The following KIAA0232 variants were observed in gnomAD, a reference collection of about 807,000 sequenced individuals.
The protein encoded by KIAA0232 is uncharacterized protein KIAA0232.
Under a neutral mutation model 122.0 loss-of-function variants are expected in KIAA0232, and 27 were observed. The ratio of observed to expected loss-of-function variants is 0.22; its 90% confidence interval spans 0.16 to 0.31. The LOEUF is 0.31. KIAA0232 is among the 10% of genes least tolerant of loss of function. The pLI is 1.00. For missense variants in KIAA0232, 1,551 were observed against 1,634.2 expected, an observed-to-expected ratio of 0.95 and a Z score of 0.88; for synonymous variants, 613 against 587.6, an observed-to-expected ratio of 1.04 and a Z score of -0.63.
At chr4:6,813,402 G>C (rs1463589035) in intron 2 of KIAA0232, among the ~76,000 whole-genome samples, 2 of 143,124 alleles carry the variant, frequency 1.4e-5, no homozygotes, top group African/African-American at 2.6e-5. Flanking sequence ...TCGCTCTGTT[G>C]CCCAGGCTGG....
chr4:6,841,983 T>G, intron 3 of KIAA0232, 84 bp from the exon 4 acceptor site: 1 of 1,500,132 alleles, frequency 6.7e-7, no homozygotes, highest in Non-Finnish European at 9.0e-7. Context: ...AGGGGCCTTT[T>G]TGTGACTGAG....
At chr4:6,783,457 A>G (rs1483254576) in intron 1 of KIAA0232, among the ~76,000 whole-genome samples, 1 of 152,126 alleles carries the variant, frequency 6.6e-6, no homozygotes, top group East Asian at 1.9e-4. Context: ...GAGCCCCGAA[A>G]GTGGGCGCGG....
At chr4:6,870,004 G>C (rs1219089469) in intron 7 of KIAA0232, among the ~76,000 whole-genome samples, 1 of 152,200 alleles carries the variant, frequency 6.6e-6, no homozygotes, top group Non-Finnish European at 1.5e-5. Context: ...CAGTGGCCAA[G>C]CCTCACCCTG....
chr4:6,832,890 A>G (rs1369568104), intron 3 of KIAA0232, among the ~76,000 whole-genome samples: 2 of 152,110 alleles, frequency 1.3e-5, no homozygotes, highest in Non-Finnish European at 2.9e-5. Flanking sequence ...CCCTAATCAA[A>G]TTGTATCTAC....
At chr4:6,846,448 G>T (rs954880352) in intron 4 of KIAA0232, among the ~76,000 whole-genome samples, 3 of 152,106 alleles carry the variant, frequency 2.0e-5, no homozygotes, top group Non-Finnish European at 2.9e-5. Context: ...TCTCATAGGA[G>T]CACAAACCCT....
chr4:6,783,143 C>T lies in KIAA0232; in HGVS notation c.-354+302C>T, dbSNP rs540000868. On this transcript the variant is annotated intron_variant, in intron 1 of 9. Coordinates refer to ENST00000307659, the MANE Select transcript of KIAA0232 (RefSeq NM_014743.3). ...GGAGGCCGGGCCGCCGCTGATGGCT[C>T]CGGGGCCAGCCTAAGGGAGACCGGG... Among the ~76,000 whole-genome samples the T allele has an allele frequency of 8.9e-3, 1,351 of 151,716 alleles. 13 individuals carry two copies. Among genetic ancestry groups the T allele is most frequent in the Middle Eastern group, 0.021 (6 of 292 alleles).
intron 8 of KIAA0232, among the ~76,000 whole-genome samples, chr4:6,874,198 A>G (rs552232986): frequency 6.6e-6 from 1 of 152,220 alleles, no homozygotes; most frequent in African/African-American, 2.4e-5. Context: ...TGGGTTAGGC[A>G]CTGTTCTAGA....
intron 8 of KIAA0232, among the ~76,000 whole-genome samples, chr4:6,873,149 C>G (rs1006926569): frequency 6.8e-6 from 1 of 147,696 alleles, no homozygotes; most frequent in African/African-American, 2.7e-5. Context: ...ATAATTCCCA[C>G]AAGAACCTTA....
intron 2 of KIAA0232, among the ~76,000 whole-genome samples, chr4:6,813,081 CTAAA>C (rs1392541197): frequency 3.9e-5 from 6 of 152,026 alleles, no homozygotes; most frequent in Non-Finnish European, 7.4e-5. Context: ...TTAGTGCACT[CTAAA>C]TAATTAGGAA....
intron 3 of KIAA0232, among the ~76,000 whole-genome samples, chr4:6,832,781 T>G (rs1475749818): frequency 6.6e-6 from 1 of 152,226 alleles, no homozygotes; most frequent in Non-Finnish European, 1.5e-5. Context: ...GGTCTGTGAC[T>G]TGTGTGTAGG....
chr4:6,824,329 T>C lies in KIAA0232; in HGVS notation c.-125T>C. On this transcript the variant is annotated 5_prime_UTR_variant, in exon 3 of 10. Coordinates refer to ENST00000307659, the MANE Select transcript of KIAA0232 (RefSeq NM_014743.3). ...TTAGGTGGCTGACTACCAGCAAAAA[T>C]AAATGCTTATCCTACATGTCAAGCA... The C allele has an allele frequency of 3.7e-6, 3 of 812,466 alleles. No individual in the cohort carries two copies. In the East Asian group the frequency reaches 7.4e-5, roughly 20 times the overall value. The allele number at this position is 812,466 out of a possible 1,614,324, so 50.3% of individuals were successfully genotyped here. A position where few individuals can be genotyped will look rare whatever the true frequency, so the allele number is the denominator to read the frequency against.
At chr4:6,837,538 G>C (rs987773116) in intron 3 of KIAA0232, among the ~76,000 whole-genome samples, 1 of 152,186 alleles carries the variant, frequency 6.6e-6, no homozygotes, top group African/African-American at 2.4e-5. Flanking sequence ...CTGCAGTCTC[G>C]GCACTTTGGG....
At chr4:6,858,859 C>T (rs190039557) in intron 6 of KIAA0232, among the ~76,000 whole-genome samples, 3 of 152,170 alleles carry the variant, frequency 2.0e-5, no homozygotes, top group Admixed American at 6.5e-5. Context: ...TCAGTAATCC[C>T]AGCACTTTGG....
intron 1 of KIAA0232, among the ~76,000 whole-genome samples, chr4:6,783,224 G>T (rs1388568082): frequency 6.6e-6 from 1 of 152,224 alleles, no homozygotes; most frequent in Admixed American, 6.5e-5. Flanking sequence ...CCCGATCCTG[G>T]TGGTGCCCGG....
rs748473703 is a variant in KIAA0232 at position 6,862,344 on chromosome 4, A to G, written c.1962A>G (p.Gln654=). Residue 654 remains glutamine, a synonymous_variant, in exon 7 of 10, where the codon CAA becomes CAG. Coordinates refer to ENST00000307659, the MANE Select transcript of KIAA0232 (RefSeq NM_014743.3). ...CTTGTTTTTCAGTGTTTGAAGTGCA[A>G]TGCAGTAATTCTGTTTTACCATTTT... ...INSCFSVFEV[Q]CSNSVLPFSF... 11 of 1,614,090 alleles carry G rather than the reference A, an allele frequency of 6.8e-6. No homozygotes were observed. The highest frequency in any genetic ancestry group is 6.7e-5 in the Admixed American group (4 of 60,004).
At chr4:6,872,164 T>C (rs1186407677) in intron 8 of KIAA0232, among the ~76,000 whole-genome samples, 1 of 152,082 alleles carries the variant, frequency 6.6e-6, no homozygotes, top group African/African-American at 2.4e-5. Context: ...TTGACAGGAT[T>C]TAAATTGGAG....
At chr4:6,836,433 G>T (rs948498760) in intron 3 of KIAA0232, among the ~76,000 whole-genome samples, 2 of 146,222 alleles carry the variant, frequency 1.4e-5, no homozygotes, top group East Asian at 2.0e-4. Flanking sequence ...CCCATTTCTT[G>T]TACTTGTAGA....
At chr4:6,797,130 C>T in intron 1 of KIAA0232, among the ~76,000 whole-genome samples, 1 of 152,250 alleles carries the variant, frequency 6.6e-6, no homozygotes, top group South Asian at 2.1e-4. Context: ...CCAAAAAACA[C>T]ACTTGCACAT....
In KIAA0232 at chr4:6,861,807, A is replaced by C; in HGVS notation, c.1425A>C (p.Ala475=). ...ATGGTCATTTTGTAGAAATGCCTGC[A>C]GTTATAAATGAGGATATTGACCTCA... ...FIDGHFVEMP[A]VINEDIDLTG... Residue 475 remains alanine, a synonymous_variant, in exon 7 of 10, where the codon GCA becomes GCC. Transcript: ENST00000307659. The C allele has an allele frequency of 6.2e-7, 1 of 1,614,140 alleles. No individual in the cohort carries two copies. Among genetic ancestry groups the C allele is most frequent in the African/African-American group, 1.3e-5 (1 of 75,060 alleles).
Sources: allele counts gnomAD v4.1 joint callset (sites outside exome capture counted in the v4.1 genomes callset), GRCh38; gene constraint gnomAD v4.1.1; transcripts MANE v1.5; gene names NCBI Gene and HGNC (gene_info 2026-07-23, HGNC 2026-07-21).